The following ARC variants were observed in gnomAD, a reference collection of about 807,000 sequenced individuals.
The protein encoded by ARC is activity-regulated cytoskeleton-associated protein.
In ARC, 10 loss-of-function variants were observed where a neutral mutation model predicts 20.0. The ratio of observed to expected loss-of-function variants is 0.50; its 90% CI spans 0.31 to 0.85. The LOEUF (loss-of-function observed/expected upper bound fraction) is 0.85. ARC is among the 40% of genes least tolerant of loss of function. The pLI is 0.05. For synonymous variants in ARC, 269 were observed against 254.1 expected (o/e 1.06, Z -0.56); for missense variants, 454 against 555.5 (o/e 0.82, Z 1.84).
rs1181187493 is a variant in ARC, at chr8:142,614,142, G to A, written c.130C>T (p.Arg44Trp). Residue 44 changes from arginine to tryptophan, a missense_variant, in exon 1 of 3, where the codon CGG (arginine) becomes TGG (tryptophan). Arg to Trp is a moderately radical substitution (Grantham distance 101, BLOSUM62 -3). Around this residue, in one of 3 missense-constraint regions of ARC, gnomAD observed 265 missense variants for 301.7 expected, o/e 0.88. Transcript: ENST00000356613. ...CRAEMLEHVR[R>W]THRHLLAEVS... Reference sequence around the variant, plus strand: ...TCGGCCAGCAGGTGCCGGTGCGTCCGCCGCACGTGCTCCAGCATCTCGGCC... The same window carrying A: ...TCGGCCAGCAGGTGCCGGTGCGTCCACCGCACGTGCTCCAGCATCTCGGCC... 2.5e-6 allele frequency: 4 copies of A among 1,584,078 alleles called. No individual in the cohort carries two copies. The highest frequency in any genetic ancestry group is 3.4e-6 in the Non-Finnish European group (4 of 1,166,828).
At position 142,611,384 on chromosome 8, in the gene ARC, G is replaced by A. The variant is rs1289523627; in HGVS notation, c.*1216C>T. ...TGAGCCAGCACCTGCTTAGGCTGCA[G>A]ACGCTAGTGGCCCACCAGCACCAGG... On this transcript the variant is annotated 3_prime_UTR_variant, in exon 3 of 3. Coordinates refer to ENST00000356613, the MANE Select transcript of ARC (RefSeq NM_015193.5). The A allele has an allele frequency of 6.6e-6, 1 of 152,476 alleles. No individual in the cohort carries two copies. The highest frequency in any genetic ancestry group is 2.4e-5 in the African/African-American group (1 of 41,470). 9.4% of individuals were successfully genotyped at this position (152,476 alleles called of 1,614,324 possible).
At position 142,611,785 on chromosome 8, in the gene ARC, C is replaced by T. The variant is rs587715712; in HGVS notation, c.*815G>A. On this transcript the variant is annotated 3_prime_UTR_variant, in exon 3 of 3. Transcript: ENST00000356613. ...GGCTGTCCTGGGACTTCGCCTCCCA[C>T]GCAGGCAGCCTGCAAGGTGAGGGGT... 27 of 152,590 alleles carry T rather than the reference C, an allele frequency of 1.8e-4. No individual in the cohort carries two copies. Among genetic ancestry groups the T allele is most frequent in the East Asian group, 3.9e-4 (2 of 5,180 alleles). The allele number at this position is 152,590 out of a possible 1,614,324, so 9.5% of individuals were successfully genotyped here.
chr8:142,614,046 C>G lies in ARC; in HGVS notation c.226G>C (p.Asp76His). ...RSVGKLESNL[D>H]GYVPTSDSQR... ...GAGTCGCTCGTGGGCACGTAGCCGTCCAGGTTGCTCTCCAGCTTCCCGACC... is the reference window on the plus strand; with the variant it reads ...GAGTCGCTCGTGGGCACGTAGCCGTGCAGGTTGCTCTCCAGCTTCCCGACC... The change falls in exon 1 of 3, where the codon GAC becomes CAC. Residue 76 changes from aspartate (D) to histidine (H), a missense_variant. By Grantham distance (81) the Asp-to-His change is moderately conservative. Around this residue, in one of 3 missense-constraint regions of ARC, gnomAD observed 265 missense variants for 301.7 expected, o/e 0.88. Coordinates refer to ENST00000356613, the MANE Select transcript of ARC (RefSeq NM_015193.5). The G allele has an allele frequency of 6.2e-7, 1 of 1,606,000 alleles. No homozygotes were observed.
rs1488960239 is a variant in ARC, at chr8:142,613,160, G to T, written c.1112C>A (p.Pro371Gln). Reference protein sequence around the residue: ...QAAEPAGPHLPVEDEAETLTP... With the variant: ...QAAEPAGPHLQVEDEAETLTP... ...GAGGGTCTCCGCCTCATCCTCCACC[G>T]GGAGGTGGGGGCCGGCCGGCTCGGC... Residue 371 changes from proline to glutamine, a missense_variant, in exon 1 of 3, where the codon CCG (proline) becomes CAG (glutamine). By Grantham distance (76) the Pro-to-Gln change is moderately conservative. Coordinates refer to ENST00000356613, the MANE Select transcript of ARC (RefSeq NM_015193.5). The T allele has an allele frequency of 6.2e-7, 1 of 1,607,456 alleles. No homozygotes were observed. Among genetic ancestry groups the T allele is most frequent in the South Asian group, 1.1e-5 (1 of 90,552 alleles).
Position 142,613,671 on chromosome 8 carries a change from C to T in ARC, c.601G>A (p.Glu201Lys). 6.4e-7 allele frequency: 1 copy of T among 1,567,676 alleles called. No homozygotes were observed. Among genetic ancestry groups the T allele is most frequent in the Non-Finnish European group, 8.6e-7 (1 of 1,158,708 alleles). The change falls in exon 1 of 3, where the codon GAG (glutamate) becomes AAG (lysine). Residue 201 changes from glutamate (E) to lysine (K), a missense_variant. Around this residue, in one of 3 missense-constraint regions of ARC, gnomAD observed 265 missense variants for 301.7 expected, o/e 0.88. Transcript: ENST00000356613. ...AQQYQPWVPG[E>K]DGQPSPGVDT... ...ACGCCGGGGCTGGGCTGCCCGTCCTCGCCGGGGACCCACGGCTGGTACTGC... is the reference window on the plus strand; with the variant it reads ...ACGCCGGGGCTGGGCTGCCCGTCCTTGCCGGGGACCCACGGCTGGTACTGC...
rs190685721 is a variant in ARC, at chr8:142,612,856, G to C, written c.*225C>G. ...TGGGGTCCAGGCCGGAAAGACAGACGGAGGGAGGGTGATGGGTGGAGCCCT... is the reference window on the plus strand; with the variant it reads ...TGGGGTCCAGGCCGGAAAGACAGACCGAGGGAGGGTGATGGGTGGAGCCCT... On this transcript the variant is annotated 3_prime_UTR_variant, in exon 1 of 3. Transcript: ENST00000356613. 1.9e-5 allele frequency: 10 copies of C among 513,734 alleles called. No individual in the cohort carries two copies. In the East Asian group the frequency reaches 2.9e-4, roughly 15 times the overall value. The allele number at this position is 513,734 out of a possible 1,614,324, so 31.8% of individuals were successfully genotyped here. A position where few individuals can be genotyped will look rare whatever the true frequency, so the allele number is the denominator to read the frequency against.
chr8:142,613,811 C>A lies in ARC; in HGVS notation c.461G>T (p.Gly154Val), dbSNP rs766788440. The change falls in exon 1 of 3, where the codon GGT becomes GTT. Residue 154 changes from glycine to valine, a missense_variant. Gly to Val is a moderately radical substitution (Grantham distance 109). Coordinates refer to ENST00000356613, the MANE Select transcript of ARC (RefSeq NM_015193.5). ...ARHTVSVGVG[G>V]PESYCHEADG... The stretch of plus-strand genomic sequence containing the variant: ...TGCCTCGTGGCAGTAGCTCTCGGGA[C>A]CCCCCACGCCCACGGAAACGGTGTG... The A allele has an allele frequency of 2.3e-5, 36 of 1,555,974 alleles. No individual in the cohort carries two copies. The highest frequency in any genetic ancestry group is 2.9e-5 in the Non-Finnish European group (34 of 1,157,404).
At position 142,613,496 on chromosome 8, in the gene ARC, C is replaced by T; in HGVS notation, c.776G>A (p.Gly259Asp). 1 of 1,613,196 alleles carries T rather than the reference C, an allele frequency of 6.2e-7. No individual in the cohort carries two copies. The highest frequency in any genetic ancestry group is 2.2e-5 in the East Asian group (1 of 44,870). ...GAACTCCACCCAGTTCTTCACGGAG[C>T]CCTGCTTGAACTCCCACCACTTCTT... ...PAKKWWEFKQ[G>D]SVKNWVEFKK... is the part of the protein sequence containing the mutation. The change falls in exon 1 of 3, where the codon GGC becomes GAC. Residue 259 changes from glycine to aspartate, a missense_variant. Gly to Asp is a moderately conservative substitution (Grantham distance 94). This residue lies in a region of ARC where 117 missense variants were observed against 194.4 expected (regional missense o/e 0.60). Coordinates refer to ENST00000356613, the MANE Select transcript of ARC (RefSeq NM_015193.5).
In ARC at chr8:142,613,293, C is replaced by T; in HGVS notation, c.979G>A (p.Gly327Ser). Residue 327 changes from glycine to serine, a missense_variant, in exon 1 of 3, where the codon GGC (glycine) becomes AGC (serine). Gly to Ser is a moderately conservative substitution (Grantham distance 56). Coordinates refer to ENST00000356613, the MANE Select transcript of ARC (RefSeq NM_015193.5). ...DEEEIIQYVV[G>S]TLQPKLKRFL... Reference sequence around the variant, plus strand: ...CGCTTGAGCTTGGGCTGCAGGGTGCCCACCACGTACTGGATGATCTCCTCC... The same window carrying T: ...CGCTTGAGCTTGGGCTGCAGGGTGCTCACCACGTACTGGATGATCTCCTCC... 1 of 1,613,668 alleles carries T rather than the reference C, an allele frequency of 6.2e-7. No individual in the cohort carries two copies. Among genetic ancestry groups the T allele is most frequent in the South Asian group, 1.1e-5 (1 of 91,082 alleles).
At position 142,614,338 on chromosome 8, in the gene ARC, G is replaced by T. The variant is rs1846288384; in HGVS notation, c.-67C>A. The T allele has an allele frequency of 2.3e-6, 3 of 1,279,552 alleles. No individual in the cohort carries two copies. Among genetic ancestry groups the T allele is most frequent in the South Asian group, 2.4e-5 (1 of 42,430 alleles). The allele number at this position is 1,279,552 out of a possible 1,614,324, so 79.3% of individuals were successfully genotyped here. Reference sequence around the variant, plus strand: ...GGACAGAGGGTGGTCCGGCGCTGGGGTCCGGCGGCCTGGGTCCCGTGCGGA... The same window carrying T: ...GGACAGAGGGTGGTCCGGCGCTGGGTTCCGGCGGCCTGGGTCCCGTGCGGA... On this transcript the variant is annotated 5_prime_UTR_variant, in exon 1 of 3. Transcript: ENST00000356613.
rs1392343612 is a variant in ARC at position 142,613,581 on chromosome 8, C to T, written c.691G>A (p.Val231Met). ...AGCCAGTACTCCTCAGAGCCGCCCA[C>T]CTGCCGCAAGTACTCCTCTAGGTGG... Reference protein sequence around the residue: ...LSHLEEYLRQVGGSEEYWLSQ... With the variant: ...LSHLEEYLRQMGGSEEYWLSQ... Residue 231 changes from valine (V) to methionine (M), a missense_variant, in exon 1 of 3, where the codon GTG becomes ATG. Physicochemically the swap from Val to Met is conservative, Grantham distance 21. Coordinates refer to ENST00000356613, the MANE Select transcript of ARC (RefSeq NM_015193.5). The T allele has an allele frequency of 6.3e-7, 1 of 1,596,120 alleles. No individual in the cohort carries two copies.
Position 142,612,878 on chromosome 8 carries a change from C to T in ARC, c.*203G>A. The T allele has an allele frequency of 1.8e-6, 1 of 545,092 alleles. No homozygotes were observed. Among genetic ancestry groups the T allele is most frequent in the South Asian group, 2.9e-5 (1 of 34,584 alleles). 33.8% of individuals were successfully genotyped at this position (545,092 alleles called of 1,614,324 possible). On this transcript the variant is annotated 3_prime_UTR_variant, in exon 1 of 3. Transcript: ENST00000356613. ...GACGGAGGGAGGGTGATGGGTGGAG[C>T]CCTGCAGGGGGGAGGGCTCTTTGCC...
Position 142,613,666 on chromosome 8 carries a change from G to A in ARC, c.606C>T (p.Asp202=), listed in dbSNP as rs1846279581. 1 of 1,567,726 alleles carries A rather than the reference G, an allele frequency of 6.4e-7. No individual in the cohort carries two copies. The highest frequency in any genetic ancestry group is 8.6e-7 in the Non-Finnish European group (1 of 1,158,452). The change falls in exon 1 of 3, where the codon GAC becomes GAT. Residue 202 remains aspartate, a synonymous_variant. Transcript: ENST00000356613. The part of the protein sequence containing the change: ...QQYQPWVPGE[D]GQPSPGVDTQ... ...TGTCCACGCCGGGGCTGGGCTGCCC[G>A]TCCTCGCCGGGGACCCACGGCTGGT...
In ARC at chr8:142,612,181, A is replaced by G. The variant is rs1010534229; in HGVS notation, c.*669T>C. ...GATTTGAGGACTCAGCCCCTCTGGGACCCTCCGCCTGCCATGGGTGAGTCA... is the reference window on the plus strand; with the variant it reads ...GATTTGAGGACTCAGCCCCTCTGGGGCCCTCCGCCTGCCATGGGTGAGTCA... On this transcript the variant is annotated 3_prime_UTR_variant, in exon 2 of 3. Transcript: ENST00000356613. 2.0e-5 allele frequency: 3 copies of G among 152,488 alleles called. No individual in the cohort carries two copies. The highest frequency in any genetic ancestry group is 7.3e-5 in the African/African-American group (3 of 41,350). 9.4% of individuals were successfully genotyped at this position (152,488 alleles called of 1,614,324 possible).
chr8:142,614,387 G>C lies in ARC; in HGVS notation c.-116C>G, dbSNP rs374311850. 3 of 954,376 alleles carry C rather than the reference G, an allele frequency of 3.1e-6. No homozygotes were observed. Among genetic ancestry groups the C allele is most frequent in the East Asian group, 6.6e-5 (2 of 30,132 alleles). The allele number at this position is 954,376 out of a possible 1,614,324, so 59.1% of individuals were successfully genotyped here. A position where few individuals can be genotyped will look rare whatever the true frequency, so the allele number is the denominator to read the frequency against. ...GAGCTGCGGGGAGCGCCTGTCTGTC[G>C]CTGCGGGCCGGCGGCGGGGCCGGCG... On this transcript the variant is annotated 5_prime_UTR_variant, in exon 1 of 3. Coordinates refer to ENST00000356613, the MANE Select transcript of ARC (RefSeq NM_015193.5).
Position 142,613,765 on chromosome 8 carries a change from G to A in ARC, c.507C>T (p.Val169=), listed in dbSNP as rs1846281169. The part of the protein sequence containing the change: ...CHEADGYDYT[V]SPYAITPPPA... The stretch of plus-strand genomic sequence containing the variant: ...GGGGCGGGGTGATGGCGTAGGGGCT[G>A]ACGGTGTAGTCGTAGCCGTCTGCCT... The change falls in exon 1 of 3, where the codon GTC becomes GTT. Residue 169 remains valine (V), a synonymous_variant. Transcript: ENST00000356613. The A allele has an allele frequency of 6.4e-7, 1 of 1,552,180 alleles. No homozygotes were observed. The highest frequency in any genetic ancestry group is 8.7e-7 in the Non-Finnish European group (1 of 1,155,710).
chr8:142,612,881 TG>T lies in ARC; in HGVS notation c.*199del. 4 of 559,970 alleles carry T rather than the reference TG, an allele frequency of 7.1e-6. No homozygotes were observed. The highest frequency in any genetic ancestry group is 2.6e-5 in the South Asian group (1 of 37,864). The allele number at this position is 559,970 out of a possible 1,614,324, so 34.7% of individuals were successfully genotyped here. On this transcript the variant is annotated 3_prime_UTR_variant, in exon 1 of 3. Coordinates refer to ENST00000356613, the MANE Select transcript of ARC (RefSeq NM_015193.5). ...GGAGGGAGGGTGATGGGTGGAGCCC[TG>T]CAGGGGGGAGGGCTCTTTGCCGCTG...
rs1248577625 is a variant in ARC, at chr8:142,613,952, C to T, written c.320G>A (p.Arg107His). 1.2e-6 allele frequency: 2 copies of T among 1,607,662 alleles called. No homozygotes were observed. Among genetic ancestry groups the T allele is most frequent in the Non-Finnish European group, 1.7e-6 (2 of 1,178,978 alleles). ...RCQETIANLE[R>H]WVKREMHVWR... ...CACGTGCATCTCGCGCTTGACCCAG[C>T]GCTCCAGGTTGGCGATGGTCTCCTG... Residue 107 changes from arginine to histidine, a missense_variant, in exon 1 of 3, where the codon CGC becomes CAC. Transcript: ENST00000356613.
rs190827942 is a variant in ARC at position 142,611,418 on chromosome 8, G to A, written c.*1182C>T. ...GGCCCACCAGCACCAGGGTTCTGGT[G>A]TCGGGGCAGGGCAGAATGCCTGGAA... On this transcript the variant is annotated 3_prime_UTR_variant, in exon 3 of 3. Transcript: ENST00000356613. 2 of 152,538 alleles carry A rather than the reference G, an allele frequency of 1.3e-5. No individual in the cohort carries two copies. The highest frequency in any genetic ancestry group is 1.3e-4 in the Admixed American group (2 of 15,310). The allele number at this position is 152,538 out of a possible 1,614,324, so 9.4% of individuals were successfully genotyped here.
Sources: gnomAD v4.1 joint callset for allele counts on GRCh38, gnomAD v4.1.1 for gene constraint, gnomAD v4.1.1 regional missense constraint, MANE v1.5 for transcripts, NCBI Gene and HGNC (gene_info 2026-07-23, HGNC 2026-07-21) for gene names.